The following PTPRN2 variants were observed in gnomAD, a reference collection of about 807,000 sequenced individuals.
PTPRN2 encodes protein tyrosine phosphatase receptor type N2.
Under a neutral mutation model 118.8 loss-of-function variants are expected in PTPRN2, and 74 were observed. The observed-to-expected ratio is 0.62, with a 90% CI of 0.52 to 0.76. The LOEUF (loss-of-function observed/expected upper bound fraction) is 0.76, where lower values mean the gene tolerates loss of function less well. Ranked by LOEUF, PTPRN2 falls within the 30% of genes least tolerant of loss-of-function variation. The pLI, the probability that PTPRN2 is intolerant of heterozygous loss-of-function variation, is 0.00. For synonymous variants in PTPRN2, 641 were observed against 608.0 expected, an observed-to-expected ratio of 1.05 and a Z score of -0.80; for missense variants, 1,481 against 1,394.4, an observed-to-expected ratio of 1.06 and a Z score of -0.99.
chr7:158,251,345 G>A (rs1290936716), intron 3 of PTPRN2, among the ~76,000 whole-genome samples: 1 of 152,222 alleles, frequency 6.6e-6, no homozygotes, highest in Non-Finnish European at 1.5e-5. Flanking sequence ...TGATACATGT[G>A]CATGCGGTAT....
chr7:158,242,839 C>A (rs1795977094), intron 3 of PTPRN2, among the ~76,000 whole-genome samples: 3 of 152,098 alleles, frequency 2.0e-5, no homozygotes, highest in Admixed American at 2.0e-4. Flanking sequence ...GTCTCATGAC[C>A]CTTGGTGTTT....
chr7:157,546,257 T>A (rs1798315282), intron 22 of PTPRN2, among the ~76,000 whole-genome samples: 1 of 152,234 alleles, frequency 6.6e-6, no homozygotes, highest in South Asian at 2.1e-4. Flanking sequence ...GTGTATGTGT[T>A]ATCATCTTGC....
At chr7:157,651,852 G>A (rs1411813867) in intron 14 of PTPRN2, among the ~76,000 whole-genome samples, 1 of 152,178 alleles carries the variant, frequency 6.6e-6, no homozygotes, top group Non-Finnish European at 1.5e-5. Flanking sequence ...CCTTTCGGCC[G>A]TTTCCAGAGA....
In PTPRN2 at chr7:157,548,901, G is replaced by A. The variant is rs769505841; in HGVS notation, c.2976+45C>T. 4 of 1,568,398 alleles carry A rather than the reference G, an allele frequency of 2.6e-6. No individual in the cohort carries two copies. The East Asian group carries it at 9.0e-5, about 35-fold the overall frequency. On this transcript the variant is annotated intron_variant, in intron 22 of 22. Coordinates refer to ENST00000389418, the MANE Select transcript of PTPRN2 (RefSeq NM_002847.5). ...CCTCTCAGGAACACGGCCGCAGAGA[G>A]GCACCTTGAATGGGTCTGCGTCCCG...
At chr7:157,747,793 G>C (rs1270644510) in intron 12 of PTPRN2, among the ~76,000 whole-genome samples, 5 of 124,190 alleles carry the variant, frequency 4.0e-5, no homozygotes, top group South Asian at 2.9e-4. Flanking sequence ...TCCCTGAGCT[G>C]TGGGCTGTTG....
intron 3 of PTPRN2, among the ~76,000 whole-genome samples, chr7:158,298,545 G>A (rs758138406): frequency 2.6e-5 from 4 of 152,112 alleles, no homozygotes; most frequent in African/African-American, 7.2e-5. Context: ...TAATAATTTT[G>A]TGCACATAAC....
chr7:157,993,085 G>A (rs1403394355), intron 11 of PTPRN2, among the ~76,000 whole-genome samples: 1 of 152,176 alleles, frequency 6.6e-6, no homozygotes, highest in African/African-American at 2.4e-5. Flanking sequence ...GAGGATCATC[G>A]CAGGTGGGTG....
intron 9 of PTPRN2, among the ~76,000 whole-genome samples, chr7:158,125,274 T>G (rs1817550917): frequency 1.4e-5 from 2 of 144,202 alleles, no homozygotes; most frequent in South Asian, 4.4e-4. Flanking sequence ...CTGCCTCAAG[T>G]CCCTCCCACG....
At chr7:157,673,093 G>A (rs1438084950) in intron 13 of PTPRN2, among the ~76,000 whole-genome samples, 4 of 151,914 alleles carry the variant, frequency 2.6e-5, no homozygotes, top group African/African-American at 7.3e-5. Flanking sequence ...TTTTGATTTC[G>A]GCTCACCGCA....
intron 3 of PTPRN2, among the ~76,000 whole-genome samples, chr7:158,274,152 ACACAGGGGGAGC>A (rs1798769065): frequency 9.0e-6 from 1 of 111,660 alleles, no homozygotes; most frequent in Non-Finnish European, 1.8e-5. Context: ...GGAGCCGCAG[ACACAGGGGGAGC>A]CGCAGACACA....
intron 11 of PTPRN2, among the ~76,000 whole-genome samples, chr7:157,922,149 T>G (rs551237664): frequency 6.6e-6 from 1 of 152,350 alleles, no homozygotes; most frequent in East Asian, 1.9e-4. Context: ...GCATTCTCCA[T>G]GTGTACAAAG....
intron 12 of PTPRN2, among the ~76,000 whole-genome samples, chr7:157,732,425 GC>G (rs1208429039): frequency 2.7e-5 from 1 of 36,514 alleles, no homozygotes; most frequent in Non-Finnish European, 5.1e-5. Context: ...TCCGCCCCAT[GC>G]GCCCAGCACA....
At chr7:158,309,228 A>G (rs1801514503) in intron 3 of PTPRN2, among the ~76,000 whole-genome samples, 1 of 152,254 alleles carries the variant, frequency 6.6e-6, no homozygotes, top group Non-Finnish European at 1.5e-5. Flanking sequence ...TTCACATTTG[A>G]GTCAGTGGAC....
intron 11 of PTPRN2, among the ~76,000 whole-genome samples, chr7:158,080,314 CAAAAAAAAA>C (rs556546951): frequency 5.5e-5 from 4 of 72,190 alleles, no homozygotes; most frequent in South Asian, 4.9e-4. Flanking sequence ...CAAATTTAAG[CAAAAAAAAA>C]AAAAAAAAAA....
chr7:158,157,530 C>T (rs956932190), intron 6 of PTPRN2, among the ~76,000 whole-genome samples: 2 of 152,176 alleles, frequency 1.3e-5, no homozygotes, highest in East Asian at 1.9e-4. Context: ...GTGCAGAAGT[C>T]GGGGAGCCTC....
intron 12 of PTPRN2, among the ~76,000 whole-genome samples, chr7:157,734,282 G>C (rs1018048818): frequency 7.9e-6 from 1 of 127,000 alleles, no homozygotes; most frequent in African/African-American, 3.5e-5. Context: ...GCAGTCTTCC[G>C]TCCCATGCGC....
chr7:158,321,711 C>T lies in PTPRN2; in HGVS notation c.164-4779G>A, dbSNP rs140540658. ...GTCTGAAAATCATGGGAGATGAGAA[C>T]AGGTTTGCCTATGAAAACTGTGGGC... On this transcript the variant is annotated intron_variant, in intron 2 of 22. Transcript: ENST00000389418. Among the ~76,000 whole-genome samples, 73 of 152,324 alleles carry T rather than the reference C, an allele frequency of 4.8e-4. No homozygotes were observed. In the East Asian group the frequency reaches 0.013, roughly 28 times the overall value.
chr7:158,456,434 C>A lies in PTPRN2; in HGVS notation c.163+33301G>T, dbSNP rs543944448. 2.0e-5 allele frequency among the ~76,000 whole-genome samples: 3 copies of A among 151,944 alleles called. No individual in the cohort carries two copies. The South Asian group carries it at 6.4e-4, about 32-fold the overall frequency. ...CGCCATCGGCCACGGCCCCCCATCG[C>A]TCTGCAGAGAACATAATGGCACGGA... On this transcript the variant is annotated intron_variant, in intron 2 of 22. Transcript: ENST00000389418.
chr7:157,899,951 T>C (rs919280723), intron 11 of PTPRN2, among the ~76,000 whole-genome samples: 1 of 152,188 alleles, frequency 6.6e-6, no homozygotes, highest in African/African-American at 2.4e-5. Flanking sequence ...TCGGTGCTGC[T>C]GTCCTCCCGC....
Sources: gnomAD v4.1 joint callset for allele counts (sites outside exome capture counted in the v4.1 genomes callset) on GRCh38, gnomAD v4.1.1 for gene constraint, MANE v1.5 for transcripts, NCBI Gene and HGNC (gene_info 2026-07-23, HGNC 2026-07-21) for gene names.